The following TRPC4 variants were observed in gnomAD, a reference collection of about 807,000 sequenced individuals.
TRPC4 encodes short transient receptor potential channel 4.
TRPC4 carries 49 observed loss-of-function variants against 99.4 expected under a neutral mutation model. That is an observed-to-expected ratio of 0.49 (90% confidence interval 0.39 to 0.63). The LOEUF is 0.63. TRPC4 is among the 20% of genes least tolerant of loss of function. The pLI, the probability that TRPC4 is intolerant of heterozygous loss-of-function variation, is 0.00. For missense variants in TRPC4, 898 were observed against 1,152.9 expected (o/e 0.78, Z 3.20); for synonymous variants, 454 against 425.9 (o/e 1.07, Z -0.81).
intron 5 of TRPC4, among the ~76,000 whole-genome samples, chr13:37,673,199 G>T (rs1338150338): frequency 6.7e-6 from 1 of 149,408 alleles, no homozygotes; most frequent in Non-Finnish European, 1.5e-5. Context: ...TGCGGTGTTT[G>T]GTTTTCTGTC....
intron 3 of TRPC4, among the ~76,000 whole-genome samples, chr13:37,704,910 T>C (rs1225841379): frequency 6.6e-6 from 1 of 152,032 alleles, no homozygotes; most frequent in Non-Finnish European, 1.5e-5. Flanking sequence ...AAAGTAAAAA[T>C]AGAACTACCA....
rs1464676141 is a variant in TRPC4, at chr13:37,673,010, T to C, written c.1374+1218A>G. Reference sequence around the variant, plus strand: ...GTGCACAACGTGCAGGTTTGTTACATAGGTATACATGTGCTGTGTTGGTGT... The same window carrying C: ...GTGCACAACGTGCAGGTTTGTTACACAGGTATACATGTGCTGTGTTGGTGT... On this transcript the variant is annotated intron_variant, in intron 5 of 10. Transcript: ENST00000379705. 2.0e-5 allele frequency among the ~76,000 whole-genome samples: 3 copies of C among 152,054 alleles called. No homozygotes were observed. In the East Asian group the frequency reaches 5.8e-4, roughly 29 times the overall value.
In TRPC4 at chr13:37,866,985, G is replaced by T. The variant is rs970917452; in HGVS notation, c.-28+2610C>A. Among the ~76,000 whole-genome samples, 51 of 151,218 alleles carry T rather than the reference G, an allele frequency of 3.4e-4. 2 individuals carry two copies. The highest frequency in any genetic ancestry group is 1.2e-3 in the African/African-American group (49 of 40,970). ...AGGCATTAAAGAGGTCAATAACACTGGTTCCAATTGAGTCTAGGCAATTCA... is the reference window on the plus strand; with the variant it reads ...AGGCATTAAAGAGGTCAATAACACTTGTTCCAATTGAGTCTAGGCAATTCA... On this transcript the variant is annotated intron_variant, in intron 1 of 10. Transcript: ENST00000379705.
intron 3 of TRPC4, among the ~76,000 whole-genome samples, chr13:37,744,474 A>C (rs1955681922): frequency 6.6e-6 from 1 of 152,186 alleles, no homozygotes; most frequent in Admixed American, 6.5e-5. Context: ...GACACAAAAG[A>C]AGCTGTTCAC....
chr13:37,822,295 T>C (rs1427252456), intron 1 of TRPC4, among the ~76,000 whole-genome samples: 1 of 151,862 alleles, frequency 6.6e-6, no homozygotes, highest in African/African-American at 2.4e-5. Flanking sequence ...ATTATTATAC[T>C]TTAAGTTTTA....
intron 1 of TRPC4, among the ~76,000 whole-genome samples, chr13:37,833,135 A>C (rs1454392581): frequency 6.6e-6 from 1 of 152,042 alleles, no homozygotes; most frequent in Non-Finnish European, 1.5e-5. Flanking sequence ...GATTTTTAAA[A>C]ATTCATAGTA....
At chr13:37,714,056 C>T (rs577126631) in intron 3 of TRPC4, among the ~76,000 whole-genome samples, 53 of 150,866 alleles carry the variant, frequency 3.5e-4, no homozygotes, top group African/African-American at 1.3e-3. Context: ...TCCTTCCCTC[C>T]TTCCTTCCTT....
At chr13:37,828,028 C>T (rs141199088) in intron 1 of TRPC4, among the ~76,000 whole-genome samples, 2,119 of 152,290 alleles carry the variant, frequency 0.014, 24 homozygotes, top group Non-Finnish European at 0.022. Flanking sequence ...GGGAGTGACC[C>T]GATTTTCCAG....
chr13:37,693,621 C>T (rs1953805020), intron 3 of TRPC4, among the ~76,000 whole-genome samples: 1 of 152,106 alleles, frequency 6.6e-6, no homozygotes, highest in Admixed American at 6.5e-5. Context: ...CAAGCAGTCT[C>T]TGGATATGCA....
intron 1 of TRPC4, among the ~76,000 whole-genome samples, chr13:37,862,469 G>A (rs1391580864): frequency 2.0e-5 from 3 of 151,366 alleles, no homozygotes; most frequent in East Asian, 1.9e-4. Context: ...CTACTCTTAC[G>A]GAAAACAGTA....
At chr13:37,776,214 A>T (rs1174847322) in intron 2 of TRPC4, among the ~76,000 whole-genome samples, 2 of 151,874 alleles carry the variant, frequency 1.3e-5, no homozygotes, top group Non-Finnish European at 2.9e-5. Flanking sequence ...TAATTTTTAG[A>T]CATTCAAAGT....
At chr13:37,868,299 T>TC (rs397801362) in intron 1 of TRPC4, among the ~76,000 whole-genome samples, 272 of 151,380 alleles carry the variant, frequency 1.8e-3, no homozygotes, top group African/African-American at 5.5e-3. Flanking sequence ...TTGTTTTTTT[T>TC]CCCCCCTTAA....
chr13:37,801,970 C>G (rs1210344482), intron 1 of TRPC4, among the ~76,000 whole-genome samples: 1 of 152,026 alleles, frequency 6.6e-6, no homozygotes, highest in Non-Finnish European at 1.5e-5. Context: ...AAGTTCTAGA[C>G]TTACATATAA....
In TRPC4 at chr13:37,851,698, A is replaced by G. The variant is rs146739193; in HGVS notation, c.-28+17897T>C. Among the ~76,000 whole-genome samples the G allele has an allele frequency of 1.8e-4, 27 of 152,330 alleles. 1 individual carries two copies. The East Asian group carries it at 4.4e-3, about 25-fold the overall frequency. On this transcript the variant is annotated intron_variant, in intron 1 of 10. Transcript: ENST00000379705. ...CAAAAATCAGGTGAGCAATCACAGT[A>G]CCTGGTTTTAATGTTATATCATTGA...
chr13:37,637,370 G>A lies in TRPC4; in HGVS notation c.2467C>T (p.Leu823=). 1 of 1,613,464 alleles carries A rather than the reference G, an allele frequency of 6.2e-7. No homozygotes were observed. Among genetic ancestry groups the A allele is most frequent in the East Asian group, 2.2e-5 (1 of 44,864 alleles). The part of the protein sequence containing the change: ...ERHNISNGSA[L]VVQEPPREKQ... ...TCCCTGGGCGGCTCCTGAACCACCA[G>A]GGCAGAGCCATTGCTTATGTTATGT... is the stretch of plus-strand genomic sequence containing the variant. The change falls in exon 11 of 11, where the codon CTG becomes TTG. Residue 823 remains leucine, a synonymous_variant. Transcript: ENST00000379705.
intron 3 of TRPC4, among the ~76,000 whole-genome samples, chr13:37,706,343 A>G (rs1416705450): frequency 6.6e-6 from 1 of 152,164 alleles, no homozygotes; most frequent in Non-Finnish European, 1.5e-5. Flanking sequence ...AGTTACACAT[A>G]TAATTAGCTT....
intron 5 of TRPC4, among the ~76,000 whole-genome samples, chr13:37,670,641 ATG>A (rs1414230282): frequency 6.6e-6 from 1 of 152,190 alleles, no homozygotes; most frequent in Non-Finnish European, 1.5e-5. Flanking sequence ...ATCTTCTCCT[ATG>A]TTCACTGCTC....
chr13:37,753,966 C>T (rs572236756), intron 2 of TRPC4, among the ~76,000 whole-genome samples: 4 of 152,156 alleles, frequency 2.6e-5, no homozygotes, highest in Non-Finnish European at 5.9e-5. Flanking sequence ...AAAGCACCCC[C>T]GCTATGGAGA....
intron 8 of TRPC4, among the ~76,000 whole-genome samples, chr13:37,641,851 T>C (rs1370451516): frequency 6.6e-6 from 1 of 152,184 alleles, no homozygotes; most frequent in African/African-American, 2.4e-5. Context: ...CTAAGAGATT[T>C]ATGGCATCTG....
Sources: allele counts gnomAD v4.1 joint callset (sites outside exome capture counted in the v4.1 genomes callset), GRCh38; gene constraint gnomAD v4.1.1; transcripts MANE v1.5; gene names NCBI Gene and HGNC (gene_info 2026-07-23, HGNC 2026-07-21).